ROBO2: variants seen among roughly 807,000 people sequenced by gnomAD.
ROBO2 encodes the protein roundabout homolog 2.
ROBO2 carries 53 observed loss-of-function variants against 160.8 expected under a neutral mutation model. The ratio of observed to expected loss-of-function variants is 0.33; its 90% CI spans 0.26 to 0.41. ROBO2 has a LOEUF of 0.41. ROBO2 is among the 10% of genes least tolerant of loss of function. The probability of loss-of-function intolerance (pLI) is 1.00; values close to 1 mark genes in which losing one functional copy is unlikely to be tolerated. For synonymous variants in ROBO2, 664 were observed against 611.7 expected, an observed-to-expected ratio of 1.09 and a Z score of -1.26; for missense variants, 1,577 against 1,722.4, an observed-to-expected ratio of 0.92 and a Z score of 1.49.
chr3:76,192,979 T>C (rs1057175683), intron 2 of ROBO2, among the ~76,000 whole-genome samples: 1 of 152,172 alleles, frequency 6.6e-6, no homozygotes, highest in Non-Finnish European at 1.5e-5. Context: ...ATAAATATGG[T>C]AAATAAGTTC....
At chr3:77,566,320 G>C (rs2093478809) in intron 12 of ROBO2, among the ~76,000 whole-genome samples, 1 of 152,018 alleles carries the variant, frequency 6.6e-6, no homozygotes, top group Non-Finnish European at 1.5e-5. Context: ...TAAAGGGCCT[G>C]TAGGTAAAGA....
At chr3:76,672,287 C>A (rs1267784555) in intron 2 of ROBO2, among the ~76,000 whole-genome samples, 1 of 151,846 alleles carries the variant, frequency 6.6e-6, no homozygotes, top group Non-Finnish European at 1.5e-5. Context: ...AGAAAGAGTC[C>A]CCAGAACTAC....
At chr3:76,780,278 T>C (rs2062553280) in intron 2 of ROBO2, among the ~76,000 whole-genome samples, 1 of 150,734 alleles carries the variant, frequency 6.6e-6, no homozygotes, top group African/African-American at 2.4e-5. Context: ...GGTTTTGTTT[T>C]GTTTAGTTGT....
intron 2 of ROBO2, among the ~76,000 whole-genome samples, chr3:76,151,147 C>T (rs997089446): frequency 1.3e-5 from 2 of 152,104 alleles, no homozygotes; most frequent in African/African-American, 4.8e-5. Context: ...ATCACCATCC[C>T]AGACTACTTC....
At chr3:75,975,822 A>G (rs2065119629) in intron 2 of ROBO2, among the ~76,000 whole-genome samples, 1 of 151,630 alleles carries the variant, frequency 6.6e-6, no homozygotes, top group Admixed American at 6.6e-5. Flanking sequence ...CCATCTGGCT[A>G]TAATTGGGAG....
At chr3:77,216,542 G>A (rs567546140) in intron 2 of ROBO2, among the ~76,000 whole-genome samples, 5 of 152,208 alleles carry the variant, frequency 3.3e-5, no homozygotes, top group East Asian at 1.9e-4. Flanking sequence ...GCGATGCCTC[G>A]CCCTGCTTCA....
intron 2 of ROBO2, among the ~76,000 whole-genome samples, chr3:77,351,809 A>C (rs1024940097): frequency 4.2e-4 from 64 of 152,112 alleles, no homozygotes; most frequent in Admixed American, 4.2e-3. Context: ...GGGGTCTCCA[A>C]CAATAAGAGT....
chr3:76,286,365 C>CT (rs1708505022), intron 2 of ROBO2, among the ~76,000 whole-genome samples: 1 of 152,064 alleles, frequency 6.6e-6, no homozygotes, highest in African/African-American at 2.4e-5. Context: ...TAGTGGGGGT[C>CT]TAGTGCAAAA....
chr3:77,292,262 G>A (rs947972768), intron 2 of ROBO2, among the ~76,000 whole-genome samples: 10 of 151,942 alleles, frequency 6.6e-5, no homozygotes, highest in Non-Finnish European at 1.5e-4. Flanking sequence ...ACGGCCAAAC[G>A]GGTAAGCTGA....
intron 2 of ROBO2, among the ~76,000 whole-genome samples, chr3:76,498,354 G>A: frequency 6.6e-6 from 1 of 152,042 alleles, no homozygotes; most frequent in Non-Finnish European, 1.5e-5. Flanking sequence ...ACTTTAGTTA[G>A]ATAGGAATAA....
intron 24 of ROBO2, 117 bp from the exon 27 acceptor site, chr3:77,644,587 T>G (rs1303935366): frequency 1.1e-6 from 1 of 910,808 alleles, no homozygotes; most frequent in Non-Finnish European, 1.7e-6. Context: ...TAATTTTAAT[T>G]TTATTAAAGA....
intron 2 of ROBO2, among the ~76,000 whole-genome samples, chr3:76,728,999 C>CT (rs1160089254): frequency 2.0e-5 from 3 of 151,682 alleles, no homozygotes; most frequent in Non-Finnish European, 4.4e-5. Flanking sequence ...TATTTTTGTC[C>CT]TTTTTTGGTA....
At chr3:77,410,590 C>T (rs1351647110) in intron 2 of ROBO2, among the ~76,000 whole-genome samples, 1 of 147,398 alleles carries the variant, frequency 6.8e-6, no homozygotes, top group African/African-American at 2.5e-5. Flanking sequence ...TCCTCCTCCT[C>T]CTCTTCCTCC....
chr3:77,552,191 A>G (rs2153654442), intron 8 of ROBO2, among the ~76,000 whole-genome samples: 1 of 152,174 alleles, frequency 6.6e-6, no homozygotes, highest in South Asian at 2.1e-4. Context: ...CCTGTCAACA[A>G]AAATGTCCAG....
chr3:76,958,495 G>A (rs1405689031), intron 2 of ROBO2, among the ~76,000 whole-genome samples: 1 of 152,210 alleles, frequency 6.6e-6, no homozygotes, highest in Non-Finnish European at 1.5e-5. Context: ...TCACTCTGTA[G>A]TGATTTTGTA....
intron 2 of ROBO2, among the ~76,000 whole-genome samples, chr3:76,454,680 C>A (rs1258824552): frequency 6.6e-6 from 1 of 152,232 alleles, no homozygotes; most frequent in Admixed American, 6.5e-5. Context: ...AATTATACAG[C>A]ATTTAGCCCG....
chr3:77,141,823 C>G (rs2076727627), intron 2 of ROBO2, among the ~76,000 whole-genome samples: 1 of 152,184 alleles, frequency 6.6e-6, no homozygotes, highest in African/African-American at 2.4e-5. Context: ...AATGATTTTT[C>G]ATTTCTGCTA....
intron 2 of ROBO2, among the ~76,000 whole-genome samples, chr3:76,488,199 C>T (rs188875945): frequency 1.3e-5 from 2 of 152,264 alleles, no homozygotes; most frequent in Non-Finnish European, 1.5e-5. Flanking sequence ...TCACAGATTC[C>T]GTGGGTCAGA....
intron 2 of ROBO2, among the ~76,000 whole-genome samples, chr3:76,067,552 C>T (rs906901239): frequency 1.3e-5 from 2 of 151,948 alleles, no homozygotes; most frequent in African/African-American, 4.8e-5. Flanking sequence ...AGGCTCCATA[C>T]AATTAAGTAG....
Sources: gnomAD v4.1 joint callset for allele counts (sites outside exome capture counted in the v4.1 genomes callset) on GRCh38, gnomAD v4.1.1 for gene constraint, MANE v1.5 for transcripts, NCBI Gene and HGNC (gene_info 2026-07-23, HGNC 2026-07-21) for gene names.